The following PLPPR4 variants were observed in gnomAD, a reference collection of about 807,000 sequenced individuals.
PLPPR4 encodes the protein phospholipid phosphatase related 4.
In PLPPR4, 24 loss-of-function variants were observed where a neutral mutation model predicts 56.6. The ratio of observed to expected loss-of-function variants is 0.42; its 90% CI spans 0.31 to 0.60. PLPPR4 has a LOEUF of 0.60. Ranked by LOEUF, PLPPR4 falls within the 20% of genes least tolerant of loss-of-function variation. The pLI, the probability that PLPPR4 is intolerant of heterozygous loss-of-function variation, is 0.13. For missense variants in PLPPR4, 654 were observed against 885.8 expected (o/e 0.74, Z 3.32); for synonymous variants, 326 against 328.1 (o/e 0.99, Z 0.07).
upstream of PLPPR4, chr1:99,264,357 G>T: frequency 9.1e-7 from 1 of 1,096,598 alleles, no homozygotes; most frequent in South Asian, 1.7e-5. Context: ...AAAACGGGGA[G>T]CAGGAGCCAG....
At chr1:99,305,571 G>T in intron 6 of PLPPR4, 114 bp from the exon 7 acceptor site, 1 of 946,510 alleles carries the variant, frequency 1.1e-6, no homozygotes, top group East Asian at 2.4e-5. Context: ...ATTTGTACTA[G>T]TCAATGGTGT....
chr1:99,277,845 A>G (rs1659230566), intron 1 of PLPPR4, among the ~76,000 whole-genome samples: 1 of 152,062 alleles, frequency 6.6e-6, no homozygotes, highest in Non-Finnish European at 1.5e-5. Context: ...CATAATATAC[A>G]TGTTCCATGA....
At chr1:99,279,647 T>C (rs1659274977) in intron 1 of PLPPR4, among the ~76,000 whole-genome samples, 1 of 152,132 alleles carries the variant, frequency 6.6e-6, no homozygotes, top group Non-Finnish European at 1.5e-5. Flanking sequence ...GGCTGTCCTT[T>C]CCTGAAAAGC....
At chr1:99,264,704 ATCCTC>A (rs1658847257) in intron 1 of PLPPR4, 33 bp downstream of exon 1, 4 of 1,546,278 alleles carry the variant, frequency 2.6e-6, no homozygotes, top group Non-Finnish European at 3.5e-6. Context: ...CATAATGCAG[ATCCTC>A]TGGGCATCTC....
chr1:99,303,673 T>C (rs1659942270), intron 6 of PLPPR4, among the ~76,000 whole-genome samples: 1 of 152,194 alleles, frequency 6.6e-6, no homozygotes, highest in Non-Finnish European at 1.5e-5. Context: ...ATTACCAAAA[T>C]ACAGGTAAAG....
At position 99,309,212 on chromosome 1, in the gene PLPPR4, A is replaced by T. The variant is rs1033931302; in HGVS notation, c.*2202A>T. On this transcript the variant is annotated 3_prime_UTR_variant, in exon 7 of 7. Transcript: ENST00000370185. ...ACATGTCTTTTGTAAAACAAAAATT[A>T]CAAAAAAATTTGTTTACATTCCACT... 2 of 152,586 alleles carry T rather than the reference A, an allele frequency of 1.3e-5. No individual in the cohort carries two copies. Among genetic ancestry groups the T allele is most frequent in the Admixed American group, 6.5e-5 (1 of 15,284 alleles). The allele number at this position is 152,586 out of a possible 1,614,324, so 9.5% of individuals were successfully genotyped here.
intron 1 of PLPPR4, among the ~76,000 whole-genome samples, chr1:99,271,245 C>T (rs1557773017): frequency 6.6e-6 from 1 of 152,146 alleles, no homozygotes; most frequent in Non-Finnish European, 1.5e-5. Flanking sequence ...CTGAGAACTA[C>T]CCTACTGAGA....
chr1:99,273,139 G>A (rs1462657313), intron 1 of PLPPR4, among the ~76,000 whole-genome samples: 2 of 152,060 alleles, frequency 1.3e-5, no homozygotes, highest in Non-Finnish European at 2.9e-5. Context: ...AATTTTGGCA[G>A]AACTAACATT....
At chr1:99,264,945 C>T (rs1185357148) in intron 1 of PLPPR4, among the ~76,000 whole-genome samples, 1 of 152,174 alleles carries the variant, frequency 6.6e-6, no homozygotes, top group African/African-American at 2.4e-5. Context: ...GTTTTAGTTC[C>T]TTGGCCCTCC....
chr1:99,294,104 A>AC (rs919278357), intron 2 of PLPPR4, among the ~76,000 whole-genome samples: 1 of 151,954 alleles, frequency 6.6e-6, no homozygotes, highest in Non-Finnish European at 1.5e-5. Flanking sequence ...CATTCAAAAA[A>AC]AAAAAAGGAG....
intron 1 of PLPPR4, among the ~76,000 whole-genome samples, chr1:99,267,195 A>C (rs1231804151): frequency 2.0e-5 from 3 of 152,228 alleles, no homozygotes; most frequent in African/African-American, 7.2e-5. Context: ...AGCAACTTAC[A>C]CTTTGCCTTT....
Position 99,308,390 on chromosome 1 carries a change from A to C in PLPPR4, c.*1380A>C, listed in dbSNP as rs1660100407. Reference sequence around the variant, plus strand: ...GCTACCTATCCTGAATCAAGCCTTGAGCCTAAATCAAAGCAAACCAATACC... The same window carrying C: ...GCTACCTATCCTGAATCAAGCCTTGCGCCTAAATCAAAGCAAACCAATACC... On this transcript the variant is annotated 3_prime_UTR_variant, in exon 7 of 7. Coordinates refer to ENST00000370185, the MANE Select transcript of PLPPR4 (RefSeq NM_014839.5). 6.6e-6 allele frequency: 1 copy of C among 152,312 alleles called. No individual in the cohort carries two copies. Among genetic ancestry groups the C allele is most frequent in the Admixed American group, 6.5e-5 (1 of 15,284 alleles). 9.4% of individuals were successfully genotyped at this position (152,312 alleles called of 1,614,324 possible). A position where few individuals can be genotyped will look rare whatever the true frequency, so the allele number is the denominator to read the frequency against.
chr1:99,306,716 C>T lies in PLPPR4; in HGVS notation c.1854C>T (p.Leu618=), dbSNP rs747673560. The T allele has an allele frequency of 6.2e-7, 1 of 1,614,028 alleles. No individual in the cohort carries two copies. The highest frequency in any genetic ancestry group is 1.1e-5 in the South Asian group (1 of 91,060). Residue 618 remains leucine (L), a synonymous_variant, in exon 7 of 7, where the codon CTC becomes CTT. Coordinates refer to ENST00000370185, the MANE Select transcript of PLPPR4 (RefSeq NM_014839.5). The surrounding 1 kb of genome is among the most constrained non-coding windows in gnomAD (Gnocchi z 4.0). ...SLRQTYELND[L]NRDSESCESL... is the part of the protein sequence containing the mutation. ...GCCAAACTTACGAGCTCAACGATCT[C>T]AACAGGGACTCAGAAAGCTGTGAGT...
intron 5 of PLPPR4, 32 bp downstream of exon 5, chr1:99,300,998 G>A: frequency 1.9e-6 from 3 of 1,584,738 alleles, no homozygotes; most frequent in Non-Finnish European, 2.6e-6. Context: ...GTTAAGTTGT[G>A]TTCTACAGAA....
chr1:99,302,673 C>T, intron 6 of PLPPR4, among the ~76,000 whole-genome samples: 1 of 109,776 alleles, frequency 9.1e-6, no homozygotes, highest in East Asian at 3.1e-4. Context: ...CCTCCCCCCA[C>T]CCCACAACAG....
At chr1:99,290,988 C>T (rs1356255596) in intron 2 of PLPPR4, among the ~76,000 whole-genome samples, 2 of 151,836 alleles carry the variant, frequency 1.3e-5, no homozygotes, top group Admixed American at 6.6e-5. Context: ...AAATAAACTT[C>T]CAACAGAGTA....
intron 1 of PLPPR4, among the ~76,000 whole-genome samples, chr1:99,285,520 G>A (rs576795671): frequency 1.3e-5 from 2 of 152,154 alleles, no homozygotes; most frequent in South Asian, 2.1e-4. Flanking sequence ...AATAATAGCC[G>A]ATAAGAAAAA....
intron 1 of PLPPR4, among the ~76,000 whole-genome samples, chr1:99,275,480 A>G (rs895586665): frequency 3.9e-4 from 60 of 152,260 alleles, no homozygotes; most frequent in African/African-American, 1.4e-3. Context: ...GAACAATGCA[A>G]ATAGCTGAGA....
Position 99,307,591 on chromosome 1 carries a change from A to G in PLPPR4, c.*581A>G, listed in dbSNP as rs1660067164. 6.6e-6 allele frequency: 1 copy of G among 152,434 alleles called. No individual in the cohort carries two copies. Among genetic ancestry groups the G allele is most frequent in the Non-Finnish European group, 1.5e-5 (1 of 68,226 alleles). The allele number at this position is 152,434 out of a possible 1,614,324, so 9.4% of individuals were successfully genotyped here. A position where few individuals can be genotyped will look rare whatever the true frequency, so the allele number is the denominator to read the frequency against. ...AAGATGCTGGCTGCTTTGTGTTAGA[A>G]TAGGACACCCCGCAGCTTCTCTGTA... On this transcript the variant is annotated 3_prime_UTR_variant, in exon 7 of 7. Transcript: ENST00000370185.
Sources: gnomAD v4.1 joint callset for allele counts (sites outside exome capture counted in the v4.1 genomes callset) on GRCh38, gnomAD v4.1.1 for gene constraint, Gnocchi (gnomAD v3.1) non-coding constraint, MANE v1.5 for transcripts, NCBI Gene and HGNC (gene_info 2026-07-23, HGNC 2026-07-21) for gene names.